The following BBS9 variants were observed in gnomAD, a reference collection of about 807,000 sequenced individuals.
BBS9 encodes protein PTHB1.
BBS9 carries 89 observed loss-of-function variants against 117.7 expected under a neutral mutation model. That is an observed-to-expected ratio of 0.76 (90% CI 0.64 to 0.90). The LOEUF is 0.90. BBS9 is among the 40% of genes least tolerant of loss of function. The pLI is 0.00. For missense variants in BBS9, 982 were observed against 1,042.2 expected (o/e 0.94, Z 0.80); for synonymous variants, 379 against 370.9 (o/e 1.02, Z -0.25).
intron 4 of BBS9, among the ~76,000 whole-genome samples, chr7:33,163,598 A>G (rs968119765): frequency 6.6e-6 from 1 of 151,780 alleles, no homozygotes; most frequent in East Asian, 1.9e-4. Flanking sequence ...TTTCTTCTAG[A>G]TTTTCTAGTT....
intron 5 of BBS9, among the ~76,000 whole-genome samples, chr7:33,236,325 C>CAAAA (rs11382813): frequency 1.6e-5 from 2 of 123,440 alleles, no homozygotes; most frequent in Non-Finnish European, 3.3e-5. Flanking sequence ...TACTCCATCT[C>CAAAA]AAAAAAAAAA....
intron 2 of BBS9, among the ~76,000 whole-genome samples, chr7:33,148,982 A>C (rs1387855113): frequency 6.6e-6 from 1 of 152,148 alleles, no homozygotes; most frequent in Non-Finnish European, 1.5e-5. Context: ...ACAAGAGTGG[A>C]TGTGTGGGCA....
At chr7:33,253,232 A>T (rs1005077771) in intron 5 of BBS9, among the ~76,000 whole-genome samples, 3 of 152,212 alleles carry the variant, frequency 2.0e-5, no homozygotes, top group African/African-American at 7.2e-5. Context: ...TGCTGGATGG[A>T]TCTTTAGGCT....
chr7:33,301,413 C>T (rs562146323), intron 9 of BBS9, among the ~76,000 whole-genome samples: 1 of 152,156 alleles, frequency 6.6e-6, no homozygotes, highest in East Asian at 1.9e-4. Context: ...CCCATTTCCT[C>T]CCAACCTCTG....
chr7:33,262,146 T>C (rs1798074115), intron 6 of BBS9, among the ~76,000 whole-genome samples: 1 of 152,178 alleles, frequency 6.6e-6, no homozygotes, highest in Non-Finnish European at 1.5e-5. Flanking sequence ...AAAATACTCT[T>C]CTGAGTTGTC....
intron 1 of BBS9, among the ~76,000 whole-genome samples, chr7:33,137,200 G>A (rs116717738): frequency 0.013 from 1,942 of 152,244 alleles, 49 homozygotes; most frequent in African/African-American, 0.045. Context: ...ACACCTGGCC[G>A]GGTTGCGACA....
At chr7:33,358,051 G>A in intron 16 of BBS9, 56 bp downstream of exon 16, 1 of 1,567,136 alleles carries the variant, frequency 6.4e-7, no homozygotes, top group Non-Finnish European at 8.8e-7. Flanking sequence ...AATTTAGAAT[G>A]GAATCCTTCA....
intron 5 of BBS9, among the ~76,000 whole-genome samples, chr7:33,223,404 T>C (rs1017508288): frequency 5.3e-5 from 8 of 152,226 alleles, no homozygotes; most frequent in Admixed American, 5.2e-4. Flanking sequence ...TCAGAACTTA[T>C]TCCTTCTAAC....
intron 21 of BBS9, among the ~76,000 whole-genome samples, chr7:33,551,234 T>C (rs1013405497): frequency 3.9e-5 from 6 of 152,172 alleles, no homozygotes; most frequent in African/African-American, 1.2e-4. Flanking sequence ...CAGGCCCCAG[T>C]TGACTGCCGC....
chr7:33,288,691 T>C (rs890314412), intron 9 of BBS9, among the ~76,000 whole-genome samples: 1 of 152,220 alleles, frequency 6.6e-6, no homozygotes, highest in Non-Finnish European at 1.5e-5. Flanking sequence ...GAAGATGTTT[T>C]ATGAGCATAC....
intron 11 of BBS9, among the ~76,000 whole-genome samples, chr7:33,341,406 C>T (rs1465036178): frequency 6.6e-6 from 1 of 151,962 alleles, no homozygotes; most frequent in Non-Finnish European, 1.5e-5. Context: ...GTCTTTAATA[C>T]ATTATGGTGG....
chr7:33,331,932 C>T (rs1447350312), intron 9 of BBS9, among the ~76,000 whole-genome samples: 6 of 152,122 alleles, frequency 3.9e-5, no homozygotes, highest in Admixed American at 2.0e-4. Context: ...CATCATTCTT[C>T]GCAGAACTAG....
At chr7:33,168,465 C>T (rs115532281) in intron 4 of BBS9, among the ~76,000 whole-genome samples, 1,868 of 152,148 alleles carry the variant, frequency 0.012, 35 homozygotes, top group African/African-American at 0.043. Context: ...GTTTACTCAA[C>T]GCATAAATGA....
At chr7:33,183,672 C>A (rs2128176618) in intron 5 of BBS9, among the ~76,000 whole-genome samples, 1 of 152,286 alleles carries the variant, frequency 6.6e-6, no homozygotes, top group East Asian at 1.9e-4. Flanking sequence ...CTTTTAACTG[C>A]TTGAGATAAT....
At chr7:33,275,271 A>G (rs1262218663) in intron 9 of BBS9, among the ~76,000 whole-genome samples, 1 of 152,234 alleles carries the variant, frequency 6.6e-6, no homozygotes, top group African/African-American at 2.4e-5. Flanking sequence ...TATGCACTTA[A>G]CACAAGTTAT....
intron 19 of BBS9, among the ~76,000 whole-genome samples, chr7:33,408,125 G>A (rs1830399698): frequency 6.6e-6 from 1 of 152,174 alleles, no homozygotes; most frequent in Non-Finnish European, 1.5e-5. Context: ...GTTTACCTAA[G>A]GGAGCCTGGG....
chr7:33,486,051 G>C (rs2128984721), intron 19 of BBS9, among the ~76,000 whole-genome samples: 1 of 152,236 alleles, frequency 6.6e-6, no homozygotes, highest in African/African-American at 2.4e-5. Context: ...GTGGGAGTAG[G>C]GGGAAAGTAG....
chr7:33,338,514 A>G (rs1217210207), intron 10 of BBS9, among the ~76,000 whole-genome samples: 1 of 152,144 alleles, frequency 6.6e-6, no homozygotes, highest in Non-Finnish European at 1.5e-5. Flanking sequence ...TCAGTACTTA[A>G]AGCTTTTAAA....
chr7:33,565,101 AG>A (rs1303590142), intron 21 of BBS9, among the ~76,000 whole-genome samples: 6 of 152,196 alleles, frequency 3.9e-5, no homozygotes, highest in Non-Finnish European at 7.4e-5. Context: ...CTACTTCATA[AG>A]GATATTGAAA....
Sources: gnomAD v4.1 joint callset for allele counts (sites outside exome capture counted in the v4.1 genomes callset) on GRCh38, gnomAD v4.1.1 for gene constraint, MANE v1.5 for transcripts, NCBI Gene and HGNC (gene_info 2026-07-23, HGNC 2026-07-21) for gene names.